Variants in CACNG3 observed in about 807,000 individuals in gnomAD.
CACNG3 encodes the protein calcium voltage-gated channel auxiliary subunit gamma 3.
Under a neutral mutation model 28.5 loss-of-function variants are expected in CACNG3, and 3 were observed. That is an observed-to-expected ratio of 0.11 (90% CI 0.05 to 0.27). The LOEUF (loss-of-function observed/expected upper bound fraction) is 0.27. CACNG3 is among the 10% of genes least tolerant of loss of function. CACNG3 has a pLI of 1.00. For missense variants in CACNG3, 236 were observed against 414.4 expected (o/e 0.57, Z 3.74); for synonymous variants, 174 against 162.2 (o/e 1.07, Z -0.55).
chr16:24,261,864 C>T (rs1358261206), intron 1 of CACNG3, among the ~76,000 whole-genome samples: 1 of 152,166 alleles, frequency 6.6e-6, no homozygotes, highest in Non-Finnish European at 1.5e-5. Context: ...TTGACTTTTT[C>T]AGCCAGACGG....
chr16:24,286,971 C>A, intron 1 of CACNG3, among the ~76,000 whole-genome samples: 1 of 152,202 alleles, frequency 6.6e-6, no homozygotes, highest in East Asian at 1.9e-4. Flanking sequence ...CCAGGCTGAC[C>A]TCCAGGAAGT....
intron 1 of CACNG3, among the ~76,000 whole-genome samples, chr16:24,312,472 A>AG (rs1371212082): frequency 6.6e-6 from 1 of 152,088 alleles, no homozygotes; most frequent in Non-Finnish European, 1.5e-5. Flanking sequence ...GTAAAAAAAA[A>AG]TGGGTGATAA....
chr16:24,349,350 C>A (rs1899911298), intron 2 of CACNG3, among the ~76,000 whole-genome samples: 1 of 152,136 alleles, frequency 6.6e-6, no homozygotes, highest in South Asian at 2.1e-4. Flanking sequence ...CAGGGTGAGT[C>A]CACAAAGTAG....
intron 1 of CACNG3, among the ~76,000 whole-genome samples, chr16:24,276,323 CTA>C (rs990631212): frequency 8.6e-5 from 13 of 152,038 alleles, no homozygotes; most frequent in African/African-American, 2.7e-4. Flanking sequence ...AACTATTTCA[CTA>C]TTTTAGGGGG....
chr16:24,316,192 G>A lies in CACNG3; in HGVS notation c.212-30542G>A, dbSNP rs1263508743. Among the ~76,000 whole-genome samples the A allele has an allele frequency of 2.3e-5, 3 of 129,814 alleles. No homozygotes were observed. The East Asian group carries it at 6.8e-4, about 30-fold the overall frequency. The allele number at this position is 129,814 out of a possible 152,430, so 85.2% of individuals were successfully genotyped here. The stretch of plus-strand genomic sequence containing the variant: ...TCACTTTAACATCCCTGCTTTGGGG[G>A]ACTCTCAGGAACCGTCTGGACTTTA... On this transcript the variant is annotated intron_variant, in intron 1 of 3. Transcript: ENST00000005284.
intron 1 of CACNG3, among the ~76,000 whole-genome samples, chr16:24,304,803 C>A (rs1208036029): frequency 6.6e-6 from 1 of 152,138 alleles, no homozygotes; most frequent in East Asian, 1.9e-4. Flanking sequence ...CTCAAGTGAT[C>A]CTCCCGCCTC....
At position 24,362,306 on chromosome 16, in the gene CACNG3, C is replaced by T. The variant is rs1053197640; in HGVS notation, c.*443C>T. On this transcript the variant is annotated 3_prime_UTR_variant, in exon 4 of 4. Coordinates refer to ENST00000005284, the MANE Select transcript of CACNG3 (RefSeq NM_006539.4). ...AGGTGGCCCTGAGGGAGGCATTCAC[C>T]TTTATGTGTTAGAAAAACATGACCA... 5 of 160,310 alleles carry T rather than the reference C, an allele frequency of 3.1e-5. No homozygotes were observed. The highest frequency in any genetic ancestry group is 9.6e-5 in the African/African-American group (4 of 41,666). The allele number at this position is 160,310 out of a possible 1,614,324, so 9.9% of individuals were successfully genotyped here.
intron 2 of CACNG3, 121 bp downstream of exon 2, chr16:24,346,938 A>C: frequency 1.4e-6 from 1 of 724,528 alleles, no homozygotes; most frequent in Non-Finnish European, 2.4e-6. Flanking sequence ...AGTGCAAAGA[A>C]GCCCCATGTG....
rs1040490442 is a variant in CACNG3, at chr16:24,277,672, C to T, written c.211+20707C>T. ...TGCCTGTAGTCCCAGCTACTCTACT[C>T]AGGAGGCTGAGGCAGGAGAATCGCT... is the stretch of plus-strand genomic sequence containing the variant. On this transcript the variant is annotated intron_variant, in intron 1 of 3. Transcript: ENST00000005284. Among the ~76,000 whole-genome samples, 4 of 151,140 alleles carry T rather than the reference C, an allele frequency of 2.6e-5. No homozygotes were observed. In the Admixed American group the frequency reaches 2.6e-4, roughly 10 times the overall value.
At chr16:24,355,909 A>G (rs948393928) in intron 3 of CACNG3, among the ~76,000 whole-genome samples, 2 of 152,194 alleles carry the variant, frequency 1.3e-5, no homozygotes, top group Admixed American at 1.3e-4. Flanking sequence ...CCTTATAGTC[A>G]ATAGGAGCCC....
At chr16:24,279,749 C>T (rs937912959) in intron 1 of CACNG3, among the ~76,000 whole-genome samples, 1 of 152,188 alleles carries the variant, frequency 6.6e-6, no homozygotes, top group Non-Finnish European at 1.5e-5. Context: ...CTGACTGTTG[C>T]ATGTAAAGGT....
intron 2 of CACNG3, among the ~76,000 whole-genome samples, chr16:24,351,223 A>G (rs1899934454): frequency 6.6e-6 from 1 of 152,112 alleles, no homozygotes; most frequent in Non-Finnish European, 1.5e-5. Context: ...ATTGAAACTT[A>G]CACATGTAAG....
chr16:24,286,853 G>A (rs1369779237), intron 1 of CACNG3, among the ~76,000 whole-genome samples: 1 of 152,198 alleles, frequency 6.6e-6, no homozygotes, highest in Non-Finnish European at 1.5e-5. Flanking sequence ...GACTGTGTGG[G>A]ATTTCCTCCA....
At chr16:24,351,362 A>G (rs1299607627) in intron 2 of CACNG3, among the ~76,000 whole-genome samples, 4 of 152,044 alleles carry the variant, frequency 2.6e-5, no homozygotes, top group African/African-American at 9.7e-5. Flanking sequence ...ACCTGAGGTC[A>G]GGAGTTCGAG....
At chr16:24,289,224 C>T (rs549305005) in intron 1 of CACNG3, among the ~76,000 whole-genome samples, 3 of 151,894 alleles carry the variant, frequency 2.0e-5, no homozygotes, top group East Asian at 3.9e-4. Flanking sequence ...ACTTCCTCAA[C>T]GTTCCTCTCA....
chr16:24,282,175 C>G (rs961592575), intron 1 of CACNG3, among the ~76,000 whole-genome samples: 2 of 152,152 alleles, frequency 1.3e-5, no homozygotes, highest in East Asian at 1.9e-4. Flanking sequence ...TCTCCATTTT[C>G]CCATGAGGAA....
At chr16:24,313,073 G>GAGGGAGGAAGGAAGGAAGGA (rs373092539) in intron 1 of CACNG3, among the ~76,000 whole-genome samples, 3 of 138,032 alleles carry the variant, frequency 2.2e-5, no homozygotes, top group East Asian at 2.2e-4. Flanking sequence ...GCGAGGGAGG[G>GAGGGAGGAAGGAAGGAAGGA]AGGAAGGAAG....
intron 1 of CACNG3, among the ~76,000 whole-genome samples, chr16:24,297,611 C>T (rs1899049709): frequency 6.6e-6 from 1 of 152,190 alleles, no homozygotes; most frequent in African/African-American, 2.4e-5. Context: ...ACTCGATAGC[C>T]TGAGCAAACA....
chr16:24,326,613 C>T (rs1445944215), intron 1 of CACNG3, among the ~76,000 whole-genome samples: 2 of 152,226 alleles, frequency 1.3e-5, no homozygotes, highest in Non-Finnish European at 2.9e-5. Context: ...GTCATGTGCT[C>T]ACCCTCTTAG....
Sources: allele counts gnomAD v4.1 joint callset (sites outside exome capture counted in the v4.1 genomes callset), GRCh38; gene constraint gnomAD v4.1.1; transcripts MANE v1.5; gene names NCBI Gene and HGNC (gene_info 2026-07-23, HGNC 2026-07-21).